IL1RAPL1: variants seen among roughly 807,000 people sequenced by gnomAD.
IL1RAPL1 encodes interleukin-1 receptor accessory protein-like 1.
A neutral mutation model predicts 48.4 loss-of-function variants in IL1RAPL1; 3 were observed. The ratio of observed to expected loss-of-function variants is 0.06; its 90% confidence interval spans 0.03 to 0.16. The LOEUF (loss-of-function observed/expected upper bound fraction) is 0.16. Ranked by LOEUF, IL1RAPL1 falls within the 10% of genes least tolerant of loss-of-function variation. The pLI is 1.00. For missense variants in IL1RAPL1, 349 were observed against 530.6 expected (o/e 0.66, Z 3.36); for synonymous variants, 185 against 187.7 (o/e 0.99, Z 0.12).
At chrX:29,664,281 G>A (rs762722378) in intron 5 of IL1RAPL1, among the ~76,000 whole-genome samples, 11 of 110,187 alleles carry the variant, frequency 1.0e-4, no homozygotes, top group African/African-American at 3.6e-4. Flanking sequence ...GCGGGTACCT[G>A]TATTCCCAGC....
chrX:28,853,679 A>C (rs1181623069), intron 2 of IL1RAPL1, among the ~76,000 whole-genome samples: 1 of 111,679 alleles, frequency 9.0e-6, no homozygotes, highest in Non-Finnish European at 1.9e-5. Context: ...GTAAAAGAAA[A>C]ATAACGCCAA....
intron 6 of IL1RAPL1, among the ~76,000 whole-genome samples, chrX:29,887,496 T>C (rs1401624133): frequency 9.0e-6 from 1 of 111,679 alleles, no homozygotes; most frequent in Non-Finnish European, 1.9e-5. Flanking sequence ...GGAAGATTAT[T>C]GTTGCATTGG....
At chrX:28,714,894 T>G (rs1433022315) in intron 1 of IL1RAPL1, among the ~76,000 whole-genome samples, 1 of 111,764 alleles carries the variant, frequency 8.9e-6, no homozygotes, top group African/African-American at 3.3e-5. Flanking sequence ...TAGATCATAT[T>G]AAAATCATTC....
chrX:29,151,291 A>G (rs1929462688), intron 2 of IL1RAPL1, among the ~76,000 whole-genome samples: 1 of 112,315 alleles, frequency 8.9e-6, no homozygotes, highest in Non-Finnish European at 1.9e-5. Context: ...TTGTCATCCC[A>G]TGTAAAATAA....
intron 1 of IL1RAPL1, among the ~76,000 whole-genome samples, chrX:28,632,566 C>T (rs1934411667): frequency 9.0e-6 from 1 of 111,345 alleles, no homozygotes; most frequent in African/African-American, 3.3e-5. Context: ...CTTGAAAATG[C>T]CAAAAAGCTT....
intron 6 of IL1RAPL1, among the ~76,000 whole-genome samples, chrX:29,738,450 C>CTTTTTTTTTTTTTTTTT (rs59952038): frequency 4.6e-4 from 40 of 86,139 alleles, no homozygotes; most frequent in Non-Finnish European, 6.2e-4. Context: ...CTTTTCTTTT[C>CTTTTTTTTTTTTTTTTT]TTTTTTTTTT....
intron 9 of IL1RAPL1, among the ~76,000 whole-genome samples, chrX:29,942,867 C>T (rs1175769066): frequency 9.0e-6 from 1 of 110,854 alleles, no homozygotes; most frequent in Non-Finnish European, 1.9e-5. Flanking sequence ...GTGATCCCCC[C>T]ATCTCGGCCT....
chrX:29,536,443 C>T (rs1041210599), intron 5 of IL1RAPL1, among the ~76,000 whole-genome samples: 1 of 110,306 alleles, frequency 9.1e-6, no homozygotes, highest in Admixed American at 9.6e-5. Flanking sequence ...ATAAGTTTGT[C>T]AGAAAAATGT....
At chrX:29,273,828 C>T (rs1262065209) in intron 2 of IL1RAPL1, among the ~76,000 whole-genome samples, 1 of 108,647 alleles carries the variant, frequency 9.2e-6, no homozygotes. Context: ...TTCGCACTGG[C>T]AGGAGTGGGG....
chrX:29,016,212 A>G (rs1398394728), intron 2 of IL1RAPL1, among the ~76,000 whole-genome samples: 1 of 111,713 alleles, frequency 9.0e-6, no homozygotes, highest in Non-Finnish European at 1.9e-5. Flanking sequence ...TAGAAGGTTC[A>G]CATGAAACAT....
At position 29,558,650 on chromosome X, in the gene IL1RAPL1, T is replaced by G. The variant is rs576995204; in HGVS notation, c.704-109780T>G. 3.8e-3 allele frequency among the ~76,000 whole-genome samples: 428 copies of G among 111,976 alleles called. 6 individuals are homozygous for G. Among genetic ancestry groups the G allele is most frequent in the African/African-American group, 0.013 (412 of 30,896 alleles). ...CAAAAAGCATTTCCCTTATGTTTTC[T>G]TCCAGTAGTTTTAAAGCTTCAGGTA... On this transcript the variant is annotated intron_variant, in intron 5 of 10. Transcript: ENST00000378993.
intron 1 of IL1RAPL1, among the ~76,000 whole-genome samples, chrX:28,696,678 A>G (rs1935235566): frequency 9.0e-6 from 1 of 111,487 alleles, no homozygotes; most frequent in Non-Finnish European, 1.9e-5. Context: ...CAACAAAGAC[A>G]TACAAAAATT....
chrX:28,972,191 A>G (rs751562304), intron 2 of IL1RAPL1, among the ~76,000 whole-genome samples: 1 of 111,376 alleles, frequency 9.0e-6, no homozygotes, highest in Non-Finnish European at 1.9e-5. Flanking sequence ...AAAGCAGTCC[A>G]GATCTATTCA....
intron 2 of IL1RAPL1, among the ~76,000 whole-genome samples, chrX:29,142,984 C>T (rs778643440): frequency 3.7e-4 from 41 of 110,923 alleles, no homozygotes; most frequent in Admixed American, 3.0e-3. Context: ...TGAGCCACCG[C>T]GCCTGGCCAA....
At chrX:29,882,915 G>A (rs1186322661) in intron 6 of IL1RAPL1, among the ~76,000 whole-genome samples, 1 of 111,735 alleles carries the variant, frequency 8.9e-6, no homozygotes, top group Non-Finnish European at 1.9e-5. Context: ...TTGTTTGTGA[G>A]AAATTCTGCA....
intron 2 of IL1RAPL1, among the ~76,000 whole-genome samples, chrX:29,269,988 A>G (rs1932015365): frequency 9.0e-6 from 1 of 111,207 alleles, no homozygotes; most frequent in South Asian, 3.7e-4. Flanking sequence ...TGCATTTTCT[A>G]GAGTTTTATA....
chrX:28,592,403 G>C (rs1336199757), intron 1 of IL1RAPL1, among the ~76,000 whole-genome samples: 1 of 111,381 alleles, frequency 9.0e-6, no homozygotes. Context: ...AAAGCATAAT[G>C]AGTTTGAATA....
chrX:29,001,845 C>G (rs954224828), intron 2 of IL1RAPL1, among the ~76,000 whole-genome samples: 2 of 108,751 alleles, frequency 1.8e-5, no homozygotes, highest in Admixed American at 2.0e-4. Flanking sequence ...ATTTAAATGT[C>G]TATCAATAGT....
intron 1 of IL1RAPL1, among the ~76,000 whole-genome samples, chrX:28,658,706 C>T (rs574249248): frequency 9.0e-6 from 1 of 111,021 alleles, no homozygotes; most frequent in East Asian, 2.8e-4. Flanking sequence ...CATTTAGTTG[C>T]CGTCAATAAG....
Sources: allele counts gnomAD v4.1 joint callset (sites outside exome capture counted in the v4.1 genomes callset), GRCh38; gene constraint gnomAD v4.1.1; transcripts MANE v1.5; gene names NCBI Gene and HGNC (gene_info 2026-07-23, HGNC 2026-07-21).